The following KCNMA1 variants were observed in gnomAD, a reference collection of about 807,000 sequenced individuals.
KCNMA1 encodes Calcium-activated potassium channel subunit alpha-1.
A neutral mutation model predicts 140.0 loss-of-function variants in KCNMA1; 29 were observed. The observed-to-expected ratio is 0.21, with a 90% CI of 0.15 to 0.28. The LOEUF is 0.28. KCNMA1 is among the 10% of genes least tolerant of loss of function. The pLI is 1.00. For synonymous variants in KCNMA1, 612 were observed against 611.9 expected, an observed-to-expected ratio of 1.00 and a Z score of 0.00; for missense variants, 880 against 1,602.2, an observed-to-expected ratio of 0.55 and a Z score of 7.70.
At chr10:77,388,216 A>G (rs2095686201) in intron 2 of KCNMA1, among the ~76,000 whole-genome samples, 2 of 152,198 alleles carry the variant, frequency 1.3e-5, no homozygotes, top group Admixed American at 1.3e-4. Context: ...AGGCTGTGAA[A>G]TAAGAACTGG....
Position 77,108,701 on chromosome 10 carries a change from A to G in KCNMA1, c.1132-129T>C, listed in dbSNP as rs750720375. ...TAGGCCTGCAAAGGTATATATTGATATGTTGGATCATAAAAAACTAAAAGC... is the reference window on the plus strand; with the variant it reads ...TAGGCCTGCAAAGGTATATATTGATGTGTTGGATCATAAAAAACTAAAAGC... On this transcript the variant is annotated intron_variant, in intron 8 of 27. Transcript: ENST00000286628. The surrounding 1 kb of genome is among the most constrained non-coding windows in gnomAD (Gnocchi z 4.6). 2.3e-5 allele frequency: 16 copies of G among 707,724 alleles called. No individual in the cohort carries two copies. Among genetic ancestry groups the G allele is most frequent in the Non-Finnish European group, 4.0e-5 (16 of 403,708 alleles). The allele number at this position is 707,724 out of a possible 1,614,324, so 43.8% of individuals were successfully genotyped here. A position where few individuals can be genotyped will look rare whatever the true frequency, so the allele number is the denominator to read the frequency against.
chr10:76,959,694 A>G (rs1243271222), intron 20 of KCNMA1, among the ~76,000 whole-genome samples: 1 of 152,194 alleles, frequency 6.6e-6, no homozygotes, highest in Non-Finnish European at 1.5e-5. Flanking sequence ...ATATAGAGCT[A>G]CTGCTATTAT....
chr10:77,221,756 T>C (rs1229072363), intron 3 of KCNMA1, among the ~76,000 whole-genome samples: 2 of 152,082 alleles, frequency 1.3e-5, no homozygotes. Flanking sequence ...AGAGGTCCAA[T>C]TTTCATCAAA....
intron 10 of KCNMA1, among the ~76,000 whole-genome samples, chr10:77,086,859 G>C (rs972929999): frequency 1.3e-5 from 2 of 152,180 alleles, no homozygotes; most frequent in Non-Finnish European, 2.9e-5. Context: ...TCTTCTCTTC[G>C]GTATGAATGG....
At chr10:77,084,795 A>T in intron 11 of KCNMA1, 76 bp from the exon 12 acceptor site, 1 of 1,032,050 alleles carries the variant, frequency 9.7e-7, no homozygotes, top group Non-Finnish European at 1.5e-6. Context: ...CTCTCTGTTG[A>T]CAGCTTCTTG....
At chr10:77,321,803 C>A (rs183207710) in intron 2 of KCNMA1, among the ~76,000 whole-genome samples, 158 of 152,260 alleles carry the variant, frequency 1.0e-3, no homozygotes, top group Admixed American at 2.2e-3. Context: ...ATCATTACTG[C>A]AGCTTGAAAG....
intron 1 of KCNMA1, among the ~76,000 whole-genome samples, chr10:77,574,293 G>A (rs967484257): frequency 1.3e-5 from 2 of 151,728 alleles, no homozygotes; most frequent in African/African-American, 4.8e-5. Flanking sequence ...CTAGCAGAAT[G>A]TATCCACATG....
chr10:77,090,320 C>G (rs1171109352), intron 10 of KCNMA1, 80 bp downstream of exon 10: 13 of 984,840 alleles, frequency 1.3e-5, no homozygotes, highest in Non-Finnish European at 5.0e-6. Context: ...CCCAAGACCT[C>G]CACTCTTACA....
At chr10:76,935,322 C>T (rs1469282054) in intron 23 of KCNMA1, among the ~76,000 whole-genome samples, 1 of 152,218 alleles carries the variant, frequency 6.6e-6, no homozygotes, top group African/African-American at 2.4e-5. Flanking sequence ...CTGGGGGTGC[C>T]CCCATGACCC....
At chr10:77,300,658 T>C (rs966573578) in intron 2 of KCNMA1, among the ~76,000 whole-genome samples, 2 of 152,216 alleles carry the variant, frequency 1.3e-5, no homozygotes, top group East Asian at 3.9e-4. Context: ...TAAGAAAATA[T>C]GGTCTTTTAA....
chr10:77,478,299 A>T lies in KCNMA1; in HGVS notation c.379-74276T>A, dbSNP rs375693187. ...TCCCAACAGAGCTGAGCTGCAGTCAACCCCTGAACTACTTATTAAAAAGAA... is the reference window on the plus strand; with the variant it reads ...TCCCAACAGAGCTGAGCTGCAGTCATCCCCTGAACTACTTATTAAAAAGAA... On this transcript the variant is annotated intron_variant, in intron 1 of 27. Coordinates refer to ENST00000286628, the MANE Select transcript of KCNMA1 (RefSeq NM_001161352.2). Among the ~76,000 whole-genome samples, 13 of 152,244 alleles carry T rather than the reference A, an allele frequency of 8.5e-5. No individual in the cohort carries two copies. The East Asian group carries it at 1.9e-3, about 23-fold the overall frequency.
chr10:77,284,024 T>C (rs531799702), intron 2 of KCNMA1, among the ~76,000 whole-genome samples: 15 of 152,040 alleles, frequency 9.9e-5, no homozygotes, highest in African/African-American at 3.6e-4. Flanking sequence ...GAGAACAGCA[T>C]GTGCAAACAG....
At chr10:77,086,000 C>T (rs2096682034) in intron 11 of KCNMA1, among the ~76,000 whole-genome samples, 1 of 152,040 alleles carries the variant, frequency 6.6e-6, no homozygotes, top group Admixed American at 6.5e-5. Flanking sequence ...AGTTTTACAC[C>T]CTGCGTCTTA....
chr10:77,018,876 G>A (rs558428165), intron 17 of KCNMA1, 137 bp downstream of exon 17: 6 of 683,670 alleles, frequency 8.8e-6, no homozygotes, highest in African/African-American at 3.6e-5. Flanking sequence ...ACTGGAGTCC[G>A]TGGAAGTTTT....
Position 77,011,993 on chromosome 10 carries a change from C to A in KCNMA1, c.2066G>T (p.Arg689Ile), listed in dbSNP as rs776535249. The change falls in exon 18 of 28, where the codon AGA becomes ATA. Residue 689 changes from arginine to isoleucine, a missense_variant. Transcript: ENST00000286628. ...CCGTTTGCAGCCACATTTTTTTATTCTTTTGGGATCTGTGATGTCATCATG... is the reference window on the plus strand; with the variant it reads ...CCGTTTGCAGCCACATTTTTTTATTATTTTGGGATCTGTGATGTCATCATG... ...ACHDDITDPK[R>I]IKKCGCKRPK... The A allele has an allele frequency of 1.2e-6, 2 of 1,613,790 alleles. No homozygotes were observed. Among genetic ancestry groups the A allele is most frequent in the African/African-American group, 1.3e-5 (1 of 74,956 alleles).
At chr10:77,026,180 C>T (rs998167403) in intron 16 of KCNMA1, among the ~76,000 whole-genome samples, 4 of 152,056 alleles carry the variant, frequency 2.6e-5, no homozygotes, top group African/African-American at 7.2e-5. Context: ...AACAGCCTTT[C>T]GCTCTTTTTC....
At chr10:77,414,849 T>C (rs1312856492) in intron 1 of KCNMA1, among the ~76,000 whole-genome samples, 1 of 152,200 alleles carries the variant, frequency 6.6e-6, no homozygotes, top group East Asian at 1.9e-4. Context: ...ATTACCCATC[T>C]TGTAAGTGGC....
At chr10:77,324,790 T>G (rs578175707) in intron 2 of KCNMA1, among the ~76,000 whole-genome samples, 3 of 152,164 alleles carry the variant, frequency 2.0e-5, no homozygotes, top group Non-Finnish European at 4.4e-5. Context: ...TGTTGGTAGC[T>G]GGAAAGCCAG....
chr10:77,424,067 T>C (rs930931360), intron 1 of KCNMA1, among the ~76,000 whole-genome samples: 5 of 152,208 alleles, frequency 3.3e-5, no homozygotes, highest in Admixed American at 1.3e-4. Context: ...AGTCAGACAA[T>C]CCCAGGTTTG....
Sources: allele counts gnomAD v4.1 joint callset (sites outside exome capture counted in the v4.1 genomes callset), GRCh38; gene constraint gnomAD v4.1.1; non-coding constraint Gnocchi (gnomAD v3.1); transcripts MANE v1.5; gene names NCBI Gene and HGNC (gene_info 2026-07-23, HGNC 2026-07-21).